SRBD1: variants seen among roughly 807,000 people sequenced by gnomAD.
The protein encoded by SRBD1 is S1 RNA-binding domain-containing protein 1.
A neutral mutation model predicts 115.3 loss-of-function variants in SRBD1; 88 were observed. That is an observed-to-expected ratio of 0.76 (90% CI 0.64 to 0.91). SRBD1 has a LOEUF of 0.91. Among genes scored for constraint, SRBD1 ranks in the 40% least tolerant of loss-of-function variants. The pLI, the probability that SRBD1 is intolerant of heterozygous loss-of-function variation, is 0.00. For synonymous variants in SRBD1, 509 were observed against 407.7 expected, an observed-to-expected ratio of 1.25 and a Z score of -2.99; for missense variants, 1,385 against 1,177.4, an observed-to-expected ratio of 1.18 and a Z score of -2.58.
At chr2:45,427,811 T>A (rs1311076997) in intron 16 of SRBD1, among the ~76,000 whole-genome samples, 1 of 152,010 alleles carries the variant, frequency 6.6e-6, no homozygotes, top group Non-Finnish European at 1.5e-5. Flanking sequence ...TGGTTCAACA[T>A]ACACAATACC....
At chr2:45,596,481 G>A (rs895892967) in intron 4 of SRBD1, among the ~76,000 whole-genome samples, 10 of 152,180 alleles carry the variant, frequency 6.6e-5, no homozygotes, top group Non-Finnish European at 1.2e-4. Context: ...GAGAAATGAT[G>A]CAAACTAGAA....
chr2:45,562,764 C>T lies in SRBD1; in HGVS notation c.1306-8G>A. 1.9e-6 allele frequency: 3 copies of T among 1,590,022 alleles called. No homozygotes were observed. The highest frequency in any genetic ancestry group is 2.6e-6 in the Non-Finnish European group (3 of 1,166,010). ...ACGGTTAATTGCCAGAATCTGAGTG[C>T]AAACATAAGGCAAAGACTAATAATC... On this transcript the variant is annotated splice_region_variant and splice_polypyrimidine_tract_variant and intron_variant, in intron 9 of 20. Coordinates refer to ENST00000263736, the MANE Select transcript of SRBD1 (RefSeq NM_018079.5).
At chr2:45,446,988 C>G (rs1365683326) in intron 16 of SRBD1, among the ~76,000 whole-genome samples, 1 of 152,210 alleles carries the variant, frequency 6.6e-6, no homozygotes, top group East Asian at 1.9e-4. Flanking sequence ...AGTCATCCAT[C>G]AGTGGCAGGG....
At position 45,455,967 on chromosome 2, in the gene SRBD1, G is replaced by C. The variant is rs190757731; in HGVS notation, c.2049+21026C>G. Among the ~76,000 whole-genome samples, 28 of 151,764 alleles carry C rather than the reference G, an allele frequency of 1.8e-4. No homozygotes were observed. In the East Asian group the frequency reaches 5.0e-3, roughly 27 times the overall value. On this transcript the variant is annotated intron_variant, in intron 16 of 20. Coordinates refer to ENST00000263736, the MANE Select transcript of SRBD1 (RefSeq NM_018079.5). ...ACCATCACTACAGTTTCACCTTAGTGACTTAAATAAATATACATAAAGTAA... is the reference window on the plus strand; with the variant it reads ...ACCATCACTACAGTTTCACCTTAGTCACTTAAATAAATATACATAAAGTAA...
intron 8 of SRBD1, 48 bp from the exon 9 acceptor site, chr2:45,573,390 G>T: frequency 1.9e-6 from 3 of 1,563,434 alleles, no homozygotes; most frequent in South Asian, 2.4e-5. Context: ...ATTAATTTGT[G>T]CTTTAGTAAA....
At chr2:45,424,501 A>T (rs1466065494) in intron 16 of SRBD1, among the ~76,000 whole-genome samples, 1 of 152,190 alleles carries the variant, frequency 6.6e-6, no homozygotes, top group Non-Finnish European at 1.5e-5. Context: ...ATTCATGAAC[A>T]GCCCATATCT....
chr2:45,418,214 A>G (rs1467646267), intron 18 of SRBD1, 151 bp downstream of exon 18: 3 of 824,952 alleles, frequency 3.6e-6, no homozygotes, highest in Non-Finnish European at 5.4e-6. Context: ...TGTATTCCCA[A>G]TGCCTACCAA....
chr2:45,510,786 G>A (rs1294904165), intron 14 of SRBD1, among the ~76,000 whole-genome samples: 2 of 152,178 alleles, frequency 1.3e-5, no homozygotes, highest in African/African-American at 2.4e-5. Flanking sequence ...AACAGTACAA[G>A]AAATTTTTTT....
chr2:45,479,491 T>C (rs977548657), intron 15 of SRBD1, among the ~76,000 whole-genome samples: 13 of 152,182 alleles, frequency 8.5e-5, no homozygotes, highest in Admixed American at 7.9e-4. Flanking sequence ...GTCTGAGTGA[T>C]TAAACCAGCC....
At chr2:45,591,146 C>T (rs1057400659) in intron 4 of SRBD1, among the ~76,000 whole-genome samples, 8 of 152,168 alleles carry the variant, frequency 5.3e-5, no homozygotes, top group Non-Finnish European at 8.8e-5. Context: ...CCAAATTGCT[C>T]CTGGGGATAA....
chr2:45,608,371 A>G (rs1363245290), intron 1 of SRBD1, among the ~76,000 whole-genome samples: 2 of 152,244 alleles, frequency 1.3e-5, no homozygotes, highest in Non-Finnish European at 2.9e-5. Flanking sequence ...AGATTTAGAA[A>G]GAATATATAC....
intron 16 of SRBD1, among the ~76,000 whole-genome samples, chr2:45,465,920 A>G (rs1669473302): frequency 1.3e-5 from 2 of 152,200 alleles, no homozygotes; most frequent in African/African-American, 2.4e-5. Context: ...AGGCTGCAAA[A>G]TTTTATGGTG....
At chr2:45,516,045 T>G (rs1671109716) in intron 14 of SRBD1, among the ~76,000 whole-genome samples, 1 of 152,180 alleles carries the variant, frequency 6.6e-6, no homozygotes, top group South Asian at 2.1e-4. Context: ...AGTCAAGTAT[T>G]CAGCCTTGAC....
chr2:45,560,789 A>G (rs1672637467), intron 10 of SRBD1, among the ~76,000 whole-genome samples: 1 of 152,064 alleles, frequency 6.6e-6, no homozygotes, highest in African/African-American at 2.4e-5. Flanking sequence ...TTGCTTATTT[A>G]TAAAGGAAAT....
intron 16 of SRBD1, among the ~76,000 whole-genome samples, chr2:45,442,597 T>C (rs556379690): frequency 5.4e-4 from 82 of 152,326 alleles, no homozygotes; most frequent in African/African-American, 1.9e-3. Flanking sequence ...AATCCTACGG[T>C]ATAGGAACCA....
At chr2:45,531,046 T>C (rs926382003) in intron 14 of SRBD1, among the ~76,000 whole-genome samples, 1 of 151,832 alleles carries the variant, frequency 6.6e-6, no homozygotes, top group Non-Finnish European at 1.5e-5. Flanking sequence ...TACACACACA[T>C]ACTAGGCTAT....
chr2:45,543,142 A>G (rs938794838), intron 14 of SRBD1, among the ~76,000 whole-genome samples: 11 of 152,234 alleles, frequency 7.2e-5, no homozygotes, highest in African/African-American at 2.7e-4. Flanking sequence ...TTTCATGAAC[A>G]TTTCAACTTC....
chr2:45,529,148 A>G (rs1246211360), intron 14 of SRBD1, among the ~76,000 whole-genome samples: 1 of 151,974 alleles, frequency 6.6e-6, no homozygotes, highest in Non-Finnish European at 1.5e-5. Flanking sequence ...GGATTTTAAA[A>G]GAAGTATTTC....
At chr2:45,394,354 C>T (rs549524352) in intron 19 of SRBD1, among the ~76,000 whole-genome samples, 1 of 152,250 alleles carries the variant, frequency 6.6e-6, no homozygotes, top group African/African-American at 2.4e-5. Context: ...TCTTGACATT[C>T]CTTGGCTGGG....
Sources: gnomAD v4.1 joint callset for allele counts (sites outside exome capture counted in the v4.1 genomes callset) on GRCh38, gnomAD v4.1.1 for gene constraint, MANE v1.5 for transcripts, NCBI Gene and HGNC (gene_info 2026-07-23, HGNC 2026-07-21) for gene names.